Variants in ENKUR observed in about 807,000 individuals in gnomAD.
ENKUR encodes enkurin, TRPC channel interacting protein, also known as enkurin.
In ENKUR, 19 loss-of-function variants were observed where a neutral mutation model predicts 27.6. That is an observed-to-expected ratio of 0.69 (90% CI 0.48 to 1.01). ENKUR has a LOEUF of 1.01. ENKUR is among the 50% of genes least tolerant of loss of function. ENKUR has a pLI of 0.00. For synonymous variants in ENKUR, 117 were observed against 96.9 expected (o/e 1.21, Z -1.22); for missense variants, 312 against 310.5 (o/e 1.00, Z -0.04).
chr10:25,025,376 T>TG, intron 2 of ENKUR: 2 of 1,614,228 alleles, frequency 1.2e-6, no homozygotes, highest in Non-Finnish European at 1.7e-6. Context: ...CAAGAGAAGA[T>TG]GGAGTACCAG....
At chr10:25,015,191 G>A (rs1343324035) in intron 1 of ENKUR, among the ~76,000 whole-genome samples, 1 of 152,112 alleles carries the variant, frequency 6.6e-6, no homozygotes, top group African/African-American at 2.4e-5. Flanking sequence ...TCCTTTGCAC[G>A]TTTTTGAGAT....
chr10:25,059,818 G>A (rs531884042), intron 2 of ENKUR, among the ~76,000 whole-genome samples: 1 of 151,250 alleles, frequency 6.6e-6, no homozygotes, highest in Non-Finnish European at 1.5e-5. Context: ...TGCAAGACCA[G>A]TCTCTTAACA....
chr10:25,005,947 G>C (rs1476282096), intron 1 of ENKUR, among the ~76,000 whole-genome samples: 1 of 152,182 alleles, frequency 6.6e-6, no homozygotes, highest in Non-Finnish European at 1.5e-5. Context: ...TGGATATTGA[G>C]CACTTGAAAT....
chr10:25,010,776 A>G (rs1322742289), intron 1 of ENKUR, among the ~76,000 whole-genome samples: 2 of 143,386 alleles, frequency 1.4e-5, no homozygotes, highest in African/African-American at 4.9e-5. Flanking sequence ...ACATGAACTC[A>G]TCATTTTTTA....
At chr10:25,035,793 T>C (rs1350753221) in intron 2 of ENKUR, among the ~76,000 whole-genome samples, 1 of 152,188 alleles carries the variant, frequency 6.6e-6, no homozygotes, top group Non-Finnish European at 1.5e-5. Flanking sequence ...CAATAAAGAA[T>C]GCCTCTTTAA....
intron 1 of ENKUR, among the ~76,000 whole-genome samples, chr10:25,001,372 C>CT (rs1850186406): frequency 6.7e-6 from 1 of 148,724 alleles, no homozygotes; most frequent in South Asian, 2.1e-4. Flanking sequence ...TCTTGGTATT[C>CT]TTTTTTCTAC....
At chr10:25,013,632 A>G (rs993724698) in intron 1 of ENKUR, among the ~76,000 whole-genome samples, 9 of 152,248 alleles carry the variant, frequency 5.9e-5, no homozygotes, top group African/African-American at 2.2e-4. Context: ...GAGATATTCA[A>G]TAACTGCAGA....
At chr10:25,039,987 C>T (rs1474989056) in intron 2 of ENKUR, among the ~76,000 whole-genome samples, 1 of 138,848 alleles carries the variant, frequency 7.2e-6, no homozygotes, top group Non-Finnish European at 1.5e-5. Context: ...GGCCTTGGTG[C>T]TGGCTGCTGG....
chr10:25,004,161 T>C (rs1850258254), intron 1 of ENKUR, among the ~76,000 whole-genome samples: 1 of 152,236 alleles, frequency 6.6e-6, no homozygotes, highest in African/African-American at 2.4e-5. Context: ...TCACCTTTTC[T>C]TTATCCAGTC....
intron 2 of ENKUR, among the ~76,000 whole-genome samples, chr10:24,997,852 C>T (rs12266593): frequency 0.026 from 3,759 of 146,270 alleles, 155 homozygotes; most frequent in African/African-American, 0.094. Context: ...TATGTTTAAC[C>T]CTAGAGAGGC....
chr10:25,026,403 T>C (rs1455237814), intron 2 of ENKUR: 3 of 167,026 alleles, frequency 1.8e-5, no homozygotes, highest in African/African-American at 2.4e-5. Context: ...AGAGGAAGGT[T>C]TTCCAAAATT....
chr10:25,029,499 A>G (rs1002303470), intron 2 of ENKUR, among the ~76,000 whole-genome samples: 1 of 152,166 alleles, frequency 6.6e-6, no homozygotes. Flanking sequence ...TATTGTTTCA[A>G]TCCATTAAAT....
At chr10:25,020,250 C>CTATATA (rs1554772141), upstream of ENKUR, among the ~76,000 whole-genome samples, 6 of 133,756 alleles carry the variant, frequency 4.5e-5, no homozygotes, top group Admixed American at 2.5e-4. Flanking sequence ...ATATCTATAT[C>CTATATA]TATATCTATA....
At chr10:25,000,213 A>G (rs1850155619) in intron 1 of ENKUR, among the ~76,000 whole-genome samples, 1 of 152,004 alleles carries the variant, frequency 6.6e-6, no homozygotes, top group South Asian at 2.1e-4. Flanking sequence ...ATTCCTTTGA[A>G]TTTTCTGACA....
At chr10:25,036,159 C>A (rs1177960735) in intron 2 of ENKUR, among the ~76,000 whole-genome samples, 1 of 152,128 alleles carries the variant, frequency 6.6e-6, no homozygotes, top group Non-Finnish European at 1.5e-5. Context: ...AATTTTAGCT[C>A]ACATAGTTCC....
At chr10:24,997,545 C>A (rs941832429) in intron 2 of ENKUR, among the ~76,000 whole-genome samples, 1 of 151,762 alleles carries the variant, frequency 6.6e-6, no homozygotes, top group Non-Finnish European at 1.5e-5. Flanking sequence ...CATCAGCACA[C>A]CTAGCTAATT....
chr10:25,007,476 C>T (rs1850341114), intron 1 of ENKUR, among the ~76,000 whole-genome samples: 1 of 152,088 alleles, frequency 6.6e-6, no homozygotes, highest in African/African-American at 2.4e-5. Context: ...GCACTTTCAC[C>T]CAGGCTGGAG....
chr10:25,036,999 A>G lies in ENKUR; in HGVS notation c.37+24113T>C, dbSNP rs568556355. Among the ~76,000 whole-genome samples the G allele has an allele frequency of 8.5e-5, 13 of 152,330 alleles. No homozygotes were observed. In the South Asian group the frequency reaches 2.7e-3, roughly 32 times the overall value. On this transcript the variant is annotated intron_variant, in intron 2 of 5. Transcript: ENST00000615958. The stretch of plus-strand genomic sequence containing the variant: ...CATTCTGAGGAAACAATCCCGTGCA[A>G]GCCAAAATTTAAAGCCAAGTGACAG...
chr10:25,056,500 T>A (rs1425168960), intron 2 of ENKUR, among the ~76,000 whole-genome samples: 4 of 152,202 alleles, frequency 2.6e-5, no homozygotes, highest in Non-Finnish European at 5.9e-5. Flanking sequence ...CACTATGGAA[T>A]CATTTGGTAA....
Sources: allele counts gnomAD v4.1 joint callset (sites outside exome capture counted in the v4.1 genomes callset), GRCh38; gene constraint gnomAD v4.1.1; transcripts MANE v1.5; gene names NCBI Gene and HGNC (gene_info 2026-07-23, HGNC 2026-07-21).